Variants in USP42 observed in about 807,000 individuals in gnomAD.
USP42 encodes the protein ubiquitin carboxyl-terminal hydrolase 42.
USP42 carries 23 observed loss-of-function variants against 113.0 expected under a neutral mutation model. The observed-to-expected ratio is 0.20, with a 90% CI of 0.15 to 0.29. USP42 has a LOEUF of 0.29. USP42 is among the 10% of genes least tolerant of loss of function. The probability of loss-of-function intolerance (pLI) is 1.00; values close to 1 mark genes in which losing one functional copy is unlikely to be tolerated. For missense variants in USP42, 2,174 were observed against 1,779.8 expected (o/e 1.22, Z -3.99); for synonymous variants, 933 against 699.0 (o/e 1.33, Z -5.28).
chr7:6,114,436 T>A (rs1291721492), intron 2 of USP42, among the ~76,000 whole-genome samples: 1 of 151,942 alleles, frequency 6.6e-6, no homozygotes, highest in African/African-American at 2.4e-5. Flanking sequence ...CGGGCAGTGA[T>A]ACCAGCACCT....
intron 11 of USP42, among the ~76,000 whole-genome samples, chr7:6,147,500 C>T (rs1781782059): frequency 6.6e-6 from 1 of 152,204 alleles, no homozygotes; most frequent in African/African-American, 2.4e-5. Flanking sequence ...GAAACAGCAT[C>T]TTCAGAAAAC....
At chr7:6,151,478 A>T (rs1457064280) in intron 14 of USP42, among the ~76,000 whole-genome samples, 6 of 151,572 alleles carry the variant, frequency 4.0e-5, no homozygotes, top group African/African-American at 1.5e-4. Flanking sequence ...TCGCTGTGTC[A>T]CCAGGCTGGA....
chr7:6,142,496 G>A (rs1051014468), intron 7 of USP42, among the ~76,000 whole-genome samples: 27 of 152,146 alleles, frequency 1.8e-4, no homozygotes, highest in African/African-American at 6.5e-4. Context: ...GATTACAGGC[G>A]TGAGCCACCA....
the USP42 span, among the ~76,000 whole-genome samples, chr7:6,090,260 A>G: frequency 5.5e-5 from 8 of 145,110 alleles, no homozygotes; most frequent in South Asian, 8.7e-4. Context: ...AGATCACGCC[A>G]TTGCACACCA....
At chr7:6,104,480 T>A (rs2128470852), upstream of USP42, among the ~76,000 whole-genome samples, 1 of 152,346 alleles carries the variant, frequency 6.6e-6, no homozygotes, top group East Asian at 1.9e-4. Context: ...AGCGGAGGAT[T>A]TCTCGGAGCC....
In USP42 at chr7:6,161,157, T is replaced by G. The variant is rs1192858614; in HGVS notation, c.*639T>G. 2.0e-5 allele frequency: 3 copies of G among 152,690 alleles called. No homozygotes were observed. The highest frequency in any genetic ancestry group is 7.2e-5 in the African/African-American group (3 of 41,470). The allele number at this position is 152,690 out of a possible 1,614,324, so 9.5% of individuals were successfully genotyped here. A position where few individuals can be genotyped will look rare whatever the true frequency, so the allele number is the denominator to read the frequency against. Reference sequence around the variant, plus strand: ...TTATGATGAGTATTTACATTATGAATGTATAACCCAGACATGATTTGTAAA... The same window carrying G: ...TTATGATGAGTATTTACATTATGAAGGTATAACCCAGACATGATTTGTAAA... On this transcript the variant is annotated 3_prime_UTR_variant, in exon 18 of 18. Coordinates refer to ENST00000306177, the MANE Select transcript of USP42 (RefSeq NM_032172.3).
In USP42 at chr7:6,158,915, C is replaced by T. The variant is rs543161949; in HGVS notation, c.3944-535C>T. ...AGGTTGAACGTGATCTTGTTTGCCT[C>T]GTGTCTCGGGTGCTGTGGTCAGGCG... is the stretch of plus-strand genomic sequence containing the variant. On this transcript the variant is annotated intron_variant, in intron 16 of 17. Transcript: ENST00000306177. The surrounding 1 kb of genome is among the most constrained non-coding windows in gnomAD (Gnocchi z 4.2). Among the ~76,000 whole-genome samples the T allele has an allele frequency of 4.6e-5, 7 of 151,446 alleles. No individual in the cohort carries two copies. The South Asian group carries it at 8.4e-4, about 18-fold the overall frequency.
intron 3 of USP42, among the ~76,000 whole-genome samples, chr7:6,123,826 C>T (rs1055354358): frequency 7.7e-6 from 1 of 130,430 alleles, no homozygotes; most frequent in Admixed American, 7.7e-5. Context: ...AAAGGAGACC[C>T]TGTCTCAAAA....
At chr7:6,136,949 C>G (rs937140586) in intron 4 of USP42, among the ~76,000 whole-genome samples, 2 of 151,816 alleles carry the variant, frequency 1.3e-5, no homozygotes, top group South Asian at 4.2e-4. Flanking sequence ...TAATTACAGT[C>G]TTAAAAGAAT....
chr7:6,150,733 C>T (rs1182964461), intron 14 of USP42, among the ~76,000 whole-genome samples: 1 of 152,218 alleles, frequency 6.6e-6, no homozygotes, highest in African/African-American at 2.4e-5. Flanking sequence ...ACTCACCATG[C>T]TATTTCTCCT....
In USP42 at chr7:6,145,577, C is replaced by G; in HGVS notation, c.1052C>G (p.Pro351Arg). ...RPYMSQPNGEPIVYVLYAVLV... is the reference protein window; with the variant it reads ...RPYMSQPNGERIVYVLYAVLV... ...TATATGTCTCAACCCAACGGAGAGC[C>G]AATTGTCTACGTCTTGTATGCAGTG... Residue 351 changes from proline (P) to arginine (R), a missense_variant, in exon 10 of 18, where the codon CCA (proline) becomes CGA (arginine). Pro to Arg is a moderately radical substitution (Grantham distance 103). Coordinates refer to ENST00000306177, the MANE Select transcript of USP42 (RefSeq NM_032172.3). The G allele has an allele frequency of 1.2e-6, 2 of 1,613,914 alleles. No homozygotes were observed. Among genetic ancestry groups the G allele is most frequent in the Non-Finnish European group, 1.7e-6 (2 of 1,179,854 alleles).
Position 6,157,216 on chromosome 7 carries a change from C to G in USP42, c.3943+161C>G, listed in dbSNP as rs1431650393. 51 of 1,416,398 alleles carry G rather than the reference C, an allele frequency of 3.6e-5. No homozygotes were observed. The highest frequency in any genetic ancestry group is 4.6e-5 in the Non-Finnish European group (50 of 1,090,458). The allele number at this position is 1,416,398 out of a possible 1,614,324, so 87.7% of individuals were successfully genotyped here. A position where few individuals can be genotyped will look rare whatever the true frequency, so the allele number is the denominator to read the frequency against. ...CCTGGTCTGGCCTCAGTGCTCATCC[C>G]TGCAGTGTGGTTCCGTTGCACAGTT... On this transcript the variant is annotated intron_variant, in intron 16 of 17. Coordinates refer to ENST00000306177, the MANE Select transcript of USP42 (RefSeq NM_032172.3). This position sits in a 1 kb window ranked among gnomAD's most constrained non-coding sequence, Gnocchi z 4.1.
intron 7 of USP42, among the ~76,000 whole-genome samples, chr7:6,141,857 A>G (rs1781450442): frequency 6.6e-6 from 1 of 152,174 alleles, no homozygotes. Context: ...TGAATGCATT[A>G]TTTTTAACAG....
chr7:6,147,417 C>G (rs1233907686), intron 11 of USP42, among the ~76,000 whole-genome samples: 1 of 152,138 alleles, frequency 6.6e-6, no homozygotes, highest in Non-Finnish European at 1.5e-5. Context: ...GCAGTCCAGC[C>G]TGGGCGACGC....
At chr7:6,099,556 C>T in the USP42 span, among the ~76,000 whole-genome samples, 1 of 150,286 alleles carries the variant, frequency 6.7e-6, no homozygotes, top group Non-Finnish European at 1.5e-5. Flanking sequence ...GTATGTTGGG[C>T]AGGCGGGTCT....
intron 3 of USP42, among the ~76,000 whole-genome samples, chr7:6,132,235 T>G (rs548437795): frequency 1.3e-5 from 2 of 152,368 alleles, no homozygotes; most frequent in South Asian, 4.1e-4. Context: ...GTTCTTTTTC[T>G]TTTAATACTT....
At chr7:6,137,053 C>A (rs1781189942) in intron 4 of USP42, among the ~76,000 whole-genome samples, 1 of 152,140 alleles carries the variant, frequency 6.6e-6, no homozygotes, top group Non-Finnish European at 1.5e-5. Flanking sequence ...AATTTTCTTA[C>A]ATTCTGTGTG....
At position 6,150,260 on chromosome 7, in the gene USP42, C is replaced by G; in HGVS notation, c.2064C>G (p.His688Gln). 1.2e-6 allele frequency: 2 copies of G among 1,613,662 alleles called. No individual in the cohort carries two copies. The highest frequency in any genetic ancestry group is 1.7e-6 in the Non-Finnish European group (2 of 1,179,850). Residue 688 changes from histidine (H) to glutamine (Q), a missense_variant, in exon 13 of 18, where the codon CAC becomes CAG. Coordinates refer to ENST00000306177, the MANE Select transcript of USP42 (RefSeq NM_032172.3). ...GASCQGQPALHSENPFAKANG... is the reference protein window; with the variant it reads ...GASCQGQPALQSENPFAKANG... Reference sequence around the variant, plus strand: ...GCTGCCAAGGCCAGCCTGCCCTGCACTCAGAAAATCCCTTTGCTAAGGCAA... The same window carrying G: ...GCTGCCAAGGCCAGCCTGCCCTGCAGTCAGAAAATCCCTTTGCTAAGGCAA...
At chr7:6,142,419 T>C (rs1249101719) in intron 7 of USP42, among the ~76,000 whole-genome samples, 1 of 152,124 alleles carries the variant, frequency 6.6e-6, no homozygotes, top group South Asian at 2.1e-4. Flanking sequence ...GGTTTTACCA[T>C]GTTAGCCAGG....
Sources: allele counts gnomAD v4.1 joint callset (sites outside exome capture counted in the v4.1 genomes callset), GRCh38; gene constraint gnomAD v4.1.1; non-coding constraint Gnocchi (gnomAD v3.1); transcripts MANE v1.5; gene names NCBI Gene and HGNC (gene_info 2026-07-23, HGNC 2026-07-21).